LRRIQ1: variants seen among roughly 807,000 people sequenced by gnomAD.
LRRIQ1 encodes leucine-rich repeat- and IQ domain-containing protein 1.
LRRIQ1 carries 210 observed loss-of-function variants against 211.9 expected under a neutral mutation model. The observed-to-expected ratio is 0.99, with a 90% CI of 0.89 to 1.11. The LOEUF is 1.11. Ranked by LOEUF, LRRIQ1 falls within the 50% of genes most tolerant of loss-of-function variation. The pLI is 0.00. For missense variants in LRRIQ1, 2,136 were observed against 1,939.5 expected, an observed-to-expected ratio of 1.10 and a Z score of -1.90; for synonymous variants, 699 against 650.1, an observed-to-expected ratio of 1.08 and a Z score of -1.14.
chr12:85,093,691 G>C (rs1885616276), intron 11 of LRRIQ1, among the ~76,000 whole-genome samples: 2 of 152,306 alleles, frequency 1.3e-5, no homozygotes, highest in South Asian at 4.1e-4. Context: ...CACTTCAGAA[G>C]AGAACAATAA....
At chr12:85,217,502 ATATATATG>A (rs1565909717) in intron 24 of LRRIQ1, among the ~76,000 whole-genome samples, 10 of 78,070 alleles carry the variant, frequency 1.3e-4, no homozygotes, top group African/African-American at 9.2e-4. Flanking sequence ...GTATATATAT[ATATATATG>A]TGTGTGTGTG....
intron 10 of LRRIQ1, among the ~76,000 whole-genome samples, chr12:85,068,687 T>C (rs1882712698): frequency 6.6e-6 from 1 of 151,714 alleles, no homozygotes; most frequent in South Asian, 2.1e-4. Context: ...TTTCTGATTT[T>C]CTAAGTGTCT....
intron 15 of LRRIQ1, among the ~76,000 whole-genome samples, chr12:85,108,348 G>A (rs186754201): frequency 4.9e-4 from 75 of 152,044 alleles, no homozygotes; most frequent in Non-Finnish European, 7.4e-4. Flanking sequence ...GGCTGGTCTC[G>A]AACTCCTGGG....
At chr12:85,135,105 TC>T (rs1427295699) in intron 18 of LRRIQ1, among the ~76,000 whole-genome samples, 1 of 152,020 alleles carries the variant, frequency 6.6e-6, no homozygotes, top group Non-Finnish European at 1.5e-5. Context: ...AAGTCATCAC[TC>T]AAACTTTTAT....
At chr12:85,090,548 G>T (rs772644376) in intron 11 of LRRIQ1, among the ~76,000 whole-genome samples, 7 of 152,312 alleles carry the variant, frequency 4.6e-5, no homozygotes, top group Non-Finnish European at 8.8e-5. Flanking sequence ...AGTCAAAGGA[G>T]ATTATTTTGG....
intron 8 of LRRIQ1, among the ~76,000 whole-genome samples, chr12:85,060,983 G>T (rs1321220903): frequency 6.6e-6 from 1 of 151,790 alleles, no homozygotes; most frequent in East Asian, 1.9e-4. Flanking sequence ...GAGTTTCATA[G>T]CTTCTATAGG....
At chr12:85,226,274 C>A (rs572176202) in intron 24 of LRRIQ1, among the ~76,000 whole-genome samples, 1 of 152,228 alleles carries the variant, frequency 6.6e-6, no homozygotes, top group Admixed American at 6.5e-5. Context: ...TAAAAGTTTG[C>A]TTATTACAAA....
chr12:85,232,736 G>A lies in LRRIQ1; in HGVS notation c.4996G>A (p.Gly1666Ser). 2 of 1,612,640 alleles carry A rather than the reference G, an allele frequency of 1.2e-6. No homozygotes were observed. ...LPELDPDVLN[G>S]GRVQLVARLV... ...TGAGTTAGATCCAGATGTACTTAATGGTGGAAGAGTTCAGCTTGTGGTAAG... is the reference window on the plus strand; with the variant it reads ...TGAGTTAGATCCAGATGTACTTAATAGTGGAAGAGTTCAGCTTGTGGTAAG... The change falls in exon 26 of 27, where the codon GGT becomes AGT. Residue 1666 changes from glycine (G) to serine (S), a missense_variant. Physicochemically the swap from Gly to Ser is moderately conservative, Grantham distance 56 (BLOSUM62 0). Transcript: ENST00000393217.
rs1206162756 is a variant in LRRIQ1, at chr12:85,137,835, T to C, written c.4210-15T>C. 1 of 1,573,552 alleles carries C rather than the reference T, an allele frequency of 6.4e-7. No homozygotes were observed. The highest frequency in any genetic ancestry group is 2.0e-5 in the Admixed American group (1 of 50,146). ...ATCTATAACTTTGTATAACATACTT[T>C]ACATTTTTGTTTAGGCAGTTTGGAA... On this transcript the variant is annotated splice_polypyrimidine_tract_variant and intron_variant, in intron 18 of 26. Coordinates refer to ENST00000393217, the MANE Select transcript of LRRIQ1 (RefSeq NM_001079910.2).
At chr12:85,109,993 C>T (rs1333903179) in intron 15 of LRRIQ1, among the ~76,000 whole-genome samples, 1 of 151,944 alleles carries the variant, frequency 6.6e-6, no homozygotes, top group Non-Finnish European at 1.5e-5. Flanking sequence ...TCTGAATCCC[C>T]AGTAGTAAAA....
chr12:85,271,242 C>T, the LRRIQ1 span, among the ~76,000 whole-genome samples: 1 of 152,116 alleles, frequency 6.6e-6, no homozygotes, highest in African/African-American at 2.4e-5. Context: ...ACAGGTTTAA[C>T]CCTGTAACAC....
chr12:85,242,757 G>A (rs1471869826), intron 26 of LRRIQ1, among the ~76,000 whole-genome samples: 1 of 151,764 alleles, frequency 6.6e-6, no homozygotes, highest in Non-Finnish European at 1.5e-5. Context: ...AAATTTCTAG[G>A]TTTGCTTTTA....
At chr12:85,226,427 G>A (rs996273943) in intron 24 of LRRIQ1, among the ~76,000 whole-genome samples, 2 of 152,020 alleles carry the variant, frequency 1.3e-5, no homozygotes, top group Non-Finnish European at 2.9e-5. Context: ...CAGTAGCTGG[G>A]GTTTTGCTAG....
At chr12:85,104,926 A>G (rs1886660223) in intron 14 of LRRIQ1, among the ~76,000 whole-genome samples, 2 of 152,226 alleles carry the variant, frequency 1.3e-5, no homozygotes, top group Admixed American at 1.3e-4. Context: ...CAATTGCTCC[A>G]TTCTTGAGAG....
At chr12:85,087,050 C>G (rs557344889) in intron 11 of LRRIQ1, among the ~76,000 whole-genome samples, 2 of 151,958 alleles carry the variant, frequency 1.3e-5, no homozygotes, top group African/African-American at 4.8e-5. Context: ...CCCATTAACT[C>G]GTCATTTACA....
chr12:85,185,641 T>C (rs187050540), intron 24 of LRRIQ1, among the ~76,000 whole-genome samples: 60 of 152,114 alleles, frequency 3.9e-4, no homozygotes, highest in African/African-American at 1.2e-3. Context: ...AAGTGTGATC[T>C]GAGGTTTCTA....
intron 24 of LRRIQ1, among the ~76,000 whole-genome samples, chr12:85,192,857 A>G (rs1234425930): frequency 6.8e-5 from 7 of 102,650 alleles, no homozygotes; most frequent in Admixed American, 3.0e-4. Flanking sequence ...ATAAATATAT[A>G]TAGTTATATA....
intron 24 of LRRIQ1, among the ~76,000 whole-genome samples, chr12:85,208,275 G>A (rs1893663808): frequency 6.6e-6 from 1 of 151,930 alleles, no homozygotes; most frequent in Non-Finnish European, 1.5e-5. Context: ...AAACATATAG[G>A]TATAGTAAGT....
intron 11 of LRRIQ1, among the ~76,000 whole-genome samples, chr12:85,083,455 T>A (rs1884497953): frequency 1.3e-5 from 2 of 151,952 alleles, no homozygotes; most frequent in Admixed American, 1.3e-4. Context: ...TTTTTTTTTT[T>A]TTTAAGACGG....
Sources: gnomAD v4.1 joint callset for allele counts (sites outside exome capture counted in the v4.1 genomes callset) on GRCh38, gnomAD v4.1.1 for gene constraint, MANE v1.5 for transcripts, NCBI Gene and HGNC (gene_info 2026-07-23, HGNC 2026-07-21) for gene names.